Variants in ETFBKMT observed in about 807,000 individuals in gnomAD.
ETFBKMT encodes the protein electron transfer flavoprotein beta subunit lysine methyltransferase.
In ETFBKMT, 13 loss-of-function variants were observed where a neutral mutation model predicts 18.3. That is an observed-to-expected ratio of 0.71 (90% CI 0.46 to 1.13). The LOEUF (loss-of-function observed/expected upper bound fraction) is 1.13, where lower values mean the gene tolerates loss of function less well. Ranked by LOEUF, ETFBKMT falls within the 50% of genes most tolerant of loss-of-function variation. The pLI is 0.00. For missense variants in ETFBKMT, 293 were observed against 306.2 expected, an observed-to-expected ratio of 0.96 and a Z score of 0.32; for synonymous variants, 84 against 107.9, an observed-to-expected ratio of 0.78 and a Z score of 1.37.
rs754466105 is a variant in ETFBKMT, at chr12:31,667,831, T to C, written c.630T>C (p.Tyr210=). 6.8e-6 allele frequency: 11 copies of C among 1,614,220 alleles called. No homozygotes were observed. Among genetic ancestry groups the C allele is most frequent in the Middle Eastern group, 1.6e-4 (1 of 6,062 alleles). The change falls in exon 4 of 4, where the codon TAT becomes TAC. Residue 210 remains tyrosine, a synonymous_variant. Transcript: ENST00000357721. ...HQWLKKCFWT[Y]RTRVLIGDPG... The stretch of plus-strand genomic sequence containing the variant: ...GGCTGAAGAAGTGCTTCTGGACCTA[T>C]AGAACTCGAGTACTGATTGGTGACC...
In ETFBKMT at chr12:31,666,223, G is replaced by A. The variant is rs774902878; in HGVS notation, c.445+6G>A. The A allele has an allele frequency of 3.1e-6, 5 of 1,598,372 alleles. No homozygotes were observed. The African/African-American group carries it at 6.8e-5, about 22-fold the overall frequency. Reference sequence around the variant, plus strand: ...GGCCAATGACATAGACCCTAGTAAGGATTCATATTTTAAAATATTTAAGGC... The same window carrying A: ...GGCCAATGACATAGACCCTAGTAAGAATTCATATTTTAAAATATTTAAGGC... On this transcript the variant is annotated splice_donor_region_variant and intron_variant, in intron 3 of 3. Coordinates refer to ENST00000357721, the MANE Select transcript of ETFBKMT (RefSeq NM_001135863.2).
In ETFBKMT at chr12:31,666,152, G is replaced by A. The variant is rs769986306; in HGVS notation, c.380G>A (p.Gly127Glu). ...GTATTAGATCTTGGGAGTGGATGTGGAGCTACAGCTATTGCTGCTAAGATG... is the reference window on the plus strand; with the variant it reads ...GTATTAGATCTTGGGAGTGGATGTGAAGCTACAGCTATTGCTGCTAAGATG... The part of the protein sequence containing the change: ...KSVLDLGSGC[G>E]ATAIAAKMSG... Residue 127 changes from glycine (G) to glutamate (E), a missense_variant, in exon 3 of 4, where the codon GGA becomes GAA. By Grantham distance (98) the Gly-to-Glu change is moderately conservative. Coordinates refer to ENST00000357721, the MANE Select transcript of ETFBKMT (RefSeq NM_001135863.2). 1.6e-5 allele frequency: 26 copies of A among 1,614,088 alleles called. No individual in the cohort carries two copies. Among genetic ancestry groups the A allele is most frequent in the Non-Finnish European group, 2.2e-5 (26 of 1,179,942 alleles).
intron 3 of ETFBKMT, among the ~76,000 whole-genome samples, chr12:31,666,997 TTC>T (rs1491416297): frequency 3.4e-5 from 5 of 146,954 alleles, no homozygotes; most frequent in African/African-American, 1.3e-4. Context: ...TTCTTTTTTT[TTC>T]TTTTTTTTTT....
upstream of ETFBKMT, among the ~76,000 whole-genome samples, chr12:31,658,529 AAGAC>A: frequency 6.6e-6 from 1 of 152,344 alleles, no homozygotes; most frequent in East Asian, 1.9e-4. Context: ...TTTACATGGA[AAGAC>A]AGAAAGCTGT....
In ETFBKMT at chr12:31,668,148, G is replaced by T; in HGVS notation, c.*158G>T. The T allele has an allele frequency of 1.6e-6, 1 of 621,492 alleles. No individual in the cohort carries two copies. Among genetic ancestry groups the T allele is most frequent in the South Asian group, 2.4e-5 (1 of 41,466 alleles). 38.5% of individuals were successfully genotyped at this position (621,492 alleles called of 1,614,324 possible). A position where few individuals can be genotyped will look rare whatever the true frequency, so the allele number is the denominator to read the frequency against. On this transcript the variant is annotated 3_prime_UTR_variant, in exon 4 of 4. Transcript: ENST00000357721. Reference sequence around the variant, plus strand: ...AAGGTTTAGAGTTTTGTTTACTTTTGTCATGTAACTGGTTCTGTATTTCTA... The same window carrying T: ...AAGGTTTAGAGTTTTGTTTACTTTTTTCATGTAACTGGTTCTGTATTTCTA...
At chr12:31,667,012 T>G (rs545870723) in intron 3 of ETFBKMT, among the ~76,000 whole-genome samples, 2,650 of 150,992 alleles carry the variant, frequency 0.018, 68 homozygotes, top group African/African-American at 0.061. Context: ...TTTTTTTTTT[T>G]GATACAGAGT....
In ETFBKMT at chr12:31,672,556, A is replaced by G; in HGVS notation, c.*4566A>G. 7.3e-6 allele frequency: 4 copies of G among 549,176 alleles called. No individual in the cohort carries two copies. The highest frequency in any genetic ancestry group is 1.3e-5 in the Non-Finnish European group (4 of 307,124). The allele number at this position is 549,176 out of a possible 1,614,324, so 34.0% of individuals were successfully genotyped here. On this transcript the variant is annotated 3_prime_UTR_variant, in exon 4 of 4. Coordinates refer to ENST00000357721, the MANE Select transcript of ETFBKMT (RefSeq NM_001135863.2). ...TAATTAATTAATGGTAGCCCTCACT[A>G]TTATTAGGTGTAGTGCACCTATCAT...
chr12:31,660,685 G>A (rs1257645644), intron 1 of ETFBKMT: 1 of 152,138 alleles, frequency 6.6e-6, no homozygotes, highest in Non-Finnish European at 1.5e-5. Flanking sequence ...AATGCATACA[G>A]TATTTTTAAA....
intron 1 of ETFBKMT, among the ~76,000 whole-genome samples, chr12:31,649,769 C>CTTT (rs61406039): frequency 0.031 from 4,400 of 142,718 alleles, 119 homozygotes; most frequent in South Asian, 0.058. Flanking sequence ...TTTTCCTTTT[C>CTTT]TTTTTTTTTT....
intron 1 of ETFBKMT, among the ~76,000 whole-genome samples, chr12:31,649,675 A>G (rs1950998151): frequency 6.6e-6 from 1 of 152,028 alleles, no homozygotes; most frequent in African/African-American, 2.4e-5. Flanking sequence ...GTGATCTGTG[A>G]TCATAGATCT....
Position 31,671,361 on chromosome 12 carries a change from C to T in ETFBKMT, c.*3371C>T, listed in dbSNP as rs1295156396. 3 of 152,118 alleles carry T rather than the reference C, an allele frequency of 2.0e-5. No homozygotes were observed. Among genetic ancestry groups the T allele is most frequent in the Admixed American group, 1.3e-4 (2 of 15,258 alleles). 9.4% of individuals were successfully genotyped at this position (152,118 alleles called of 1,614,324 possible). ...CAACATATACAAGAAAGTTAGCATA[C>T]TTACCCCGTTTTTCACTACATCAGA... On this transcript the variant is annotated 3_prime_UTR_variant, in exon 4 of 4. Transcript: ENST00000357721.
At chr12:31,656,281 G>A (rs1046297405), upstream of ETFBKMT, among the ~76,000 whole-genome samples, 5 of 152,160 alleles carry the variant, frequency 3.3e-5, no homozygotes, top group Non-Finnish European at 1.5e-5. Flanking sequence ...GGACGAGTAG[G>A]TGGTTTGGAC....
intron 3 of ETFBKMT, 40 bp downstream of exon 3, chr12:31,666,257 T>TC (rs1181954662): frequency 6.3e-7 from 1 of 1,581,184 alleles, no homozygotes. Flanking sequence ...GCTCATCTTT[T>TC]TTTTTTCTCT....
chr12:31,653,768 C>T (rs1021339375), intron 1 of ETFBKMT, among the ~76,000 whole-genome samples: 39 of 152,034 alleles, frequency 2.6e-4, no homozygotes, highest in African/African-American at 8.5e-4. Flanking sequence ...GCCAACATGG[C>T]GAAACCTGTC....
At chr12:31,655,099 A>T (rs1294984843), upstream of ETFBKMT, among the ~76,000 whole-genome samples, 1 of 151,560 alleles carries the variant, frequency 6.6e-6, no homozygotes, top group Non-Finnish European at 1.5e-5. Flanking sequence ...AAAAGATAAA[A>T]AAAAAAAAGT....
chr12:31,671,234 A>C lies in ETFBKMT; in HGVS notation c.*3244A>C, dbSNP rs1565754823. The stretch of plus-strand genomic sequence containing the variant: ...CCTTACCCATTTTGCACATATATAC[A>C]TATGCACCACCTTTGCAGTGGCAAC... On this transcript the variant is annotated 3_prime_UTR_variant, in exon 4 of 4. Transcript: ENST00000357721. 1.3e-5 allele frequency: 2 copies of C among 152,234 alleles called. No individual in the cohort carries two copies. The highest frequency in any genetic ancestry group is 2.9e-5 in the Non-Finnish European group (2 of 68,042). 9.4% of individuals were successfully genotyped at this position (152,234 alleles called of 1,614,324 possible). A position where few individuals can be genotyped will look rare whatever the true frequency, so the allele number is the denominator to read the frequency against.
intron 1 of ETFBKMT, among the ~76,000 whole-genome samples, chr12:31,649,805 G>T: frequency 6.7e-6 from 1 of 148,364 alleles, no homozygotes; most frequent in South Asian, 2.1e-4. Flanking sequence ...TCTCCGTAGC[G>T]AAGTACAATG....
intron 3 of ETFBKMT, among the ~76,000 whole-genome samples, chr12:31,667,365 A>G (rs1951212056): frequency 6.6e-6 from 1 of 152,072 alleles, no homozygotes; most frequent in Non-Finnish European, 1.5e-5. Context: ...CCACAGTAAA[A>G]AAACAAAATC....
chr12:31,663,787 G>GT (rs1277904060), intron 2 of ETFBKMT, among the ~76,000 whole-genome samples: 2 of 151,996 alleles, frequency 1.3e-5, no homozygotes, highest in East Asian at 1.9e-4. Context: ...TTTGTTTTTC[G>GT]TAAGTGAATT....
Sources: allele counts gnomAD v4.1 joint callset (sites outside exome capture counted in the v4.1 genomes callset), GRCh38; gene constraint gnomAD v4.1.1; transcripts MANE v1.5; gene names NCBI Gene and HGNC (gene_info 2026-07-23, HGNC 2026-07-21).